Variants in KLHL2 observed in about 807,000 individuals in gnomAD.
KLHL2 encodes the protein kelch like family member 2.
A neutral mutation model predicts 75.8 loss-of-function variants in KLHL2; 15 were observed. That is an observed-to-expected ratio of 0.20 (90% CI 0.13 to 0.30). KLHL2 has a LOEUF of 0.30. KLHL2 is among the 10% of genes least tolerant of loss of function. The pLI is 1.00. For missense variants in KLHL2, 381 were observed against 741.0 expected, an observed-to-expected ratio of 0.51 and a Z score of 5.64; for synonymous variants, 214 against 251.9, an observed-to-expected ratio of 0.85 and a Z score of 1.42.
In KLHL2 at chr4:165,297,658, A is replaced by C; in HGVS notation, c.704A>C (p.Gln235Pro). 6.2e-7 allele frequency: 1 copy of C among 1,614,078 alleles called. No homozygotes were observed. Among genetic ancestry groups the C allele is most frequent in the Non-Finnish European group, 8.5e-7 (1 of 1,179,918 alleles). The change falls in exon 7 of 15, where the codon CAA becomes CCA. Residue 235 changes from glutamine to proline, a missense_variant. Transcript: ENST00000226725. ...GTGAACCATGACAAGGATGTGAGGC[A>C]AGAGTTTATGGCCCGACTGATGGAA... ...AWVNHDKDVRQEFMARLMEHV... is the reference protein window; with the variant it reads ...AWVNHDKDVRPEFMARLMEHV...
At chr4:165,296,673 C>T (rs1270234147) in intron 6 of KLHL2, among the ~76,000 whole-genome samples, 1 of 152,038 alleles carries the variant, frequency 6.6e-6, no homozygotes, top group African/African-American at 2.4e-5. Context: ...GCAGCAGGTT[C>T]CGATATGGGA....
chr4:165,245,717 A>G (rs532214402), intron 4 of KLHL2, among the ~76,000 whole-genome samples: 14 of 152,280 alleles, frequency 9.2e-5, no homozygotes, highest in African/African-American at 3.1e-4. Context: ...TTTAGGACCG[A>G]ATTGAACTGC....
At chr4:165,291,707 T>C (rs1294687528) in intron 5 of KLHL2, among the ~76,000 whole-genome samples, 1 of 152,216 alleles carries the variant, frequency 6.6e-6, no homozygotes, top group Non-Finnish European at 1.5e-5. Context: ...GGTATCCACA[T>C]CCATGGGGTA....
Position 165,263,244 on chromosome 4 carries a change from G to C in KLHL2, c.429G>C (p.Lys143Asn). Residue 143 changes from lysine to asparagine, a missense_variant, in exon 5 of 15, where the codon AAG becomes AAC. This residue lies in a region of KLHL2 where 51 missense variants were observed against 101.3 expected (regional missense o/e 0.50). Coordinates refer to ENST00000226725, the MANE Select transcript of KLHL2 (RefSeq NM_007246.4). ...AGLLQLQDVK[K>N]TCCEFLESQL... ...TCTTACAGTTACAGGATGTGAAGAAGACTTGTTGTGAATTTTTGGAATCCC... is the reference window on the plus strand; with the variant it reads ...TCTTACAGTTACAGGATGTGAAGAACACTTGTTGTGAATTTTTGGAATCCC... 1 of 1,614,084 alleles carries C rather than the reference G, an allele frequency of 6.2e-7. No individual in the cohort carries two copies. Among genetic ancestry groups the C allele is most frequent in the Non-Finnish European group, 8.5e-7 (1 of 1,179,982 alleles).
chr4:165,301,869 G>A (rs11723812), intron 8 of KLHL2, among the ~76,000 whole-genome samples: 12,886 of 151,940 alleles, frequency 0.085, 1,207 homozygotes, highest in African/African-American at 0.23. Context: ...TAGAGTGAAA[G>A]TGAATTCATT....
chr4:165,309,337 A>G (rs1408822789), intron 9 of KLHL2, among the ~76,000 whole-genome samples: 1 of 152,206 alleles, frequency 6.6e-6, no homozygotes, highest in East Asian at 1.9e-4. Flanking sequence ...TCAGAGTTAA[A>G]GAGAACAGAG....
intron 8 of KLHL2, among the ~76,000 whole-genome samples, chr4:165,302,114 A>G (rs966147237): frequency 4.3e-4 from 66 of 152,230 alleles, no homozygotes; most frequent in African/African-American, 1.6e-3. Context: ...ATTCTGCTCT[A>G]TCAGGGTGGT....
In KLHL2 at chr4:165,265,806, T is replaced by A. The variant is rs185162104; in HGVS notation, c.544+2447T>A. On this transcript the variant is annotated intron_variant, in intron 5 of 14. Transcript: ENST00000226725. ...ATGTGTGCGTGTGTCTTTATAGTAG[T>A]ATGATATATAATGCTTTGGGTATAT... 4.1e-3 allele frequency among the ~76,000 whole-genome samples: 631 copies of A among 152,246 alleles called. 2 individuals carry two copies. The highest frequency in any genetic ancestry group is 0.015 in the African/African-American group (607 of 41,554).
intron 2 of KLHL2, among the ~76,000 whole-genome samples, chr4:165,220,872 A>G (rs1242612125): frequency 6.6e-6 from 1 of 152,182 alleles, no homozygotes. Flanking sequence ...TTGAAAAATG[A>G]GTAGCTTTTT....
chr4:165,209,313 C>T (rs539846082), intron 1 of KLHL2: 3 of 152,304 alleles, frequency 2.0e-5, no homozygotes, highest in South Asian at 4.1e-4. Flanking sequence ...GATATGCTAG[C>T]TGTATTTAGC....
intron 10 of KLHL2, 22 bp from the exon 11 acceptor site, chr4:165,311,442 A>G (rs1746178709): frequency 6.6e-7 from 1 of 1,517,656 alleles, no homozygotes; most frequent in Non-Finnish European, 9.1e-7. Context: ...AAGGAAATGA[A>G]GACTATTGTG....
Position 165,257,631 on chromosome 4 carries a change from A to C in KLHL2, c.382-5566A>C, listed in dbSNP as rs1741293457. 2.0e-5 allele frequency among the ~76,000 whole-genome samples: 3 copies of C among 152,198 alleles called. 1 individual carries two copies. In the South Asian group the frequency reaches 6.2e-4, roughly 31 times the overall value. ...GAGAAGATTTGTGGTAGGCTACAAG[A>C]AGTGTCTGGTACATATACATTCCTA... On this transcript the variant is annotated intron_variant, in intron 4 of 14. Coordinates refer to ENST00000226725, the MANE Select transcript of KLHL2 (RefSeq NM_007246.4).
chr4:165,264,767 A>ATAT (rs1742109332), intron 5 of KLHL2, among the ~76,000 whole-genome samples: 2 of 72,040 alleles, frequency 2.8e-5, no homozygotes, highest in South Asian at 5.9e-4. Context: ...TATATATATA[A>ATAT]AACATTATCC....
intron 4 of KLHL2, among the ~76,000 whole-genome samples, chr4:165,261,446 T>G (rs1349401589): frequency 6.6e-6 from 1 of 152,206 alleles, no homozygotes; most frequent in Non-Finnish European, 1.5e-5. Flanking sequence ...GTTCAAGTGA[T>G]GCTCCTTCCT....
intron 5 of KLHL2, among the ~76,000 whole-genome samples, chr4:165,289,329 G>A (rs901504313): frequency 2.6e-5 from 4 of 152,086 alleles, no homozygotes; most frequent in Admixed American, 2.6e-4. Context: ...CTCAGTATAA[G>A]AATGTAAACA....
intron 11 of KLHL2, 42 bp from the exon 12 acceptor site, chr4:165,313,196 G>T (rs1746340304): frequency 6.3e-7 from 1 of 1,585,438 alleles, no homozygotes; most frequent in Admixed American, 1.9e-5. Context: ...TTGTTTGTTT[G>T]TTTTTTAATA....
intron 5 of KLHL2, chr4:165,279,624 C>T: frequency 6.2e-7 from 1 of 1,611,604 alleles, no homozygotes; most frequent in Non-Finnish European, 8.5e-7. Context: ...GGCCCCAAAA[C>T]TGCCTTCTTT....
chr4:165,207,942 G>A lies in KLHL2; in HGVS notation c.26+40G>A. ...GGGCGGGCTGCGCCGCTGCGGATAA[G>A]CGCGCCGCTGCGGCGCGTGTCGCCG... On this transcript the variant is annotated intron_variant, in intron 1 of 14. Transcript: ENST00000226725. This position sits in a 1 kb window ranked among gnomAD's most constrained non-coding sequence, Gnocchi z 4.2. 1 of 1,329,246 alleles carries A rather than the reference G, an allele frequency of 7.5e-7. No individual in the cohort carries two copies. The highest frequency in any genetic ancestry group is 9.6e-7 in the Non-Finnish European group (1 of 1,037,540). The allele number at this position is 1,329,246 out of a possible 1,614,324, so 82.3% of individuals were successfully genotyped here. A position where few individuals can be genotyped will look rare whatever the true frequency, so the allele number is the denominator to read the frequency against.
chr4:165,289,477 T>C (rs1016089681), intron 5 of KLHL2, among the ~76,000 whole-genome samples: 4 of 151,614 alleles, frequency 2.6e-5, no homozygotes, highest in Non-Finnish European at 5.9e-5. Flanking sequence ...ACATTTCTTC[T>C]TCACTTTTCC....
Sources: gnomAD v4.1 joint callset for allele counts (sites outside exome capture counted in the v4.1 genomes callset) on GRCh38, gnomAD v4.1.1 for gene constraint, gnomAD v4.1.1 regional missense constraint, Gnocchi (gnomAD v3.1) non-coding constraint, MANE v1.5 for transcripts, NCBI Gene and HGNC (gene_info 2026-07-23, HGNC 2026-07-21) for gene names.